The following DAB1 variants were observed in gnomAD, a reference collection of about 807,000 sequenced individuals.
DAB1 encodes DAB adaptor protein 1.
A neutral mutation model predicts 64.6 loss-of-function variants in DAB1; 15 were observed. The ratio of observed to expected loss-of-function variants is 0.23; its 90% CI spans 0.16 to 0.36. DAB1 has a LOEUF of 0.36. Ranked by LOEUF, DAB1 falls within the 10% of genes least tolerant of loss-of-function variation. The pLI, the probability that DAB1 is intolerant of heterozygous loss-of-function variation, is 1.00. For missense variants in DAB1, 596 were observed against 706.7 expected, an observed-to-expected ratio of 0.84 and a Z score of 1.78; for synonymous variants, 235 against 251.9, an observed-to-expected ratio of 0.93 and a Z score of 0.64.
At chr1:57,704,935 C>T (rs2101736169) in intron 6 of DAB1, among the ~76,000 whole-genome samples, 1 of 110,104 alleles carries the variant, frequency 9.1e-6, no homozygotes, top group East Asian at 3.2e-4. Flanking sequence ...TCCTTCCTTT[C>T]TTTCTTTCTT....
At chr1:57,769,504 A>T (rs1649464290) in intron 6 of DAB1, among the ~76,000 whole-genome samples, 1 of 152,060 alleles carries the variant, frequency 6.6e-6, no homozygotes, top group African/African-American at 2.4e-5. Context: ...TTCCAAGGAG[A>T]TTTGATTCTT....
intron 5 of DAB1, among the ~76,000 whole-genome samples, chr1:57,905,370 G>T (rs12116562): frequency 0.1 from 15,770 of 152,066 alleles, 962 homozygotes; most frequent in Admixed American, 0.15. Flanking sequence ...CTAGAGCAGT[G>T]CCTGCAGAGG....
chr1:57,340,215 G>C (rs1299390243), intron 1 of DAB1, among the ~76,000 whole-genome samples: 1 of 152,176 alleles, frequency 6.6e-6, no homozygotes, highest in Non-Finnish European at 1.5e-5. Flanking sequence ...TCTACAGAAA[G>C]AGAAAACACC....
chr1:57,467,690 G>T (rs1687001154), intron 7 of DAB1, among the ~76,000 whole-genome samples: 2 of 152,062 alleles, frequency 1.3e-5, no homozygotes, highest in Admixed American at 6.6e-5. Flanking sequence ...GATGGTATAT[G>T]AATGAAAGAT....
intron 2 of DAB1, among the ~76,000 whole-genome samples, chr1:57,205,871 T>G (rs571860942): frequency 6.6e-6 from 1 of 152,236 alleles, no homozygotes; most frequent in Non-Finnish European, 1.5e-5. Flanking sequence ...ACCAAATGAC[T>G]GCCACAAAGA....
chr1:57,898,586 AT>A (rs1343413626), intron 5 of DAB1, among the ~76,000 whole-genome samples: 2 of 152,180 alleles, frequency 1.3e-5, no homozygotes, highest in Non-Finnish European at 2.9e-5. Context: ...AATTAAAAAA[AT>A]ATCAGGGAAC....
chr1:56,997,024 T>C lies in DAB1; in HGVS notation c.*1120A>G, dbSNP rs1184182753. The C allele has an allele frequency of 6.6e-6, 1 of 152,122 alleles. No homozygotes were observed. Among genetic ancestry groups the C allele is most frequent in the African/African-American group, 2.4e-5 (1 of 41,410 alleles). 9.4% of individuals were successfully genotyped at this position (152,122 alleles called of 1,614,324 possible). A position where few individuals can be genotyped will look rare whatever the true frequency, so the allele number is the denominator to read the frequency against. ...TCTGATGTACAAAAAGAGATAGAGA[T>C]GAACCATTTGGACCACAGAATCAGT... is the stretch of plus-strand genomic sequence containing the variant. On this transcript the variant is annotated 3_prime_UTR_variant, in exon 15 of 15. Coordinates refer to ENST00000371236, the MANE Select transcript of DAB1 (RefSeq NM_001365792.1).
At chr1:57,679,114 T>C (rs1449954715) in intron 6 of DAB1, among the ~76,000 whole-genome samples, 2 of 152,106 alleles carry the variant, frequency 1.3e-5, no homozygotes, top group South Asian at 4.1e-4. Context: ...AGAATGAATA[T>C]GGTATACAGA....
At chr1:57,635,453 G>A (rs1182923839) in intron 7 of DAB1, among the ~76,000 whole-genome samples, 1 of 152,008 alleles carries the variant, frequency 6.6e-6, no homozygotes, top group East Asian at 1.9e-4. Flanking sequence ...AGGTTCTCAT[G>A]GGAGTGTGAA....
chr1:57,068,112 T>C (rs1471345479), intron 8 of DAB1, among the ~76,000 whole-genome samples: 2 of 151,506 alleles, frequency 1.3e-5, no homozygotes, highest in Non-Finnish European at 2.9e-5. Context: ...TATAGCTAAG[T>C]CTGGATTCAG....
chr1:58,263,781 CA>C (rs1182426219), intron 4 of DAB1, among the ~76,000 whole-genome samples: 3 of 152,136 alleles, frequency 2.0e-5, no homozygotes, highest in African/African-American at 7.2e-5. Flanking sequence ...ATACTAACCT[CA>C]GAAGACTTGG....
chr1:58,088,930 G>C (rs1026066882), intron 5 of DAB1, among the ~76,000 whole-genome samples: 3 of 152,178 alleles, frequency 2.0e-5, no homozygotes, highest in African/African-American at 7.2e-5. Flanking sequence ...GAAGGAACGC[G>C]GGGCAAGAAA....
intron 5 of DAB1, among the ~76,000 whole-genome samples, chr1:58,027,871 T>C (rs1261307934): frequency 6.6e-6 from 1 of 152,156 alleles, no homozygotes; most frequent in Non-Finnish European, 1.5e-5. Flanking sequence ...AAGGAGCAAA[T>C]GCAGAAAGAA....
intron 6 of DAB1, among the ~76,000 whole-genome samples, chr1:57,799,396 A>C (rs1307046268): frequency 6.6e-6 from 1 of 152,128 alleles, no homozygotes. Context: ...ACTTTTGAAA[A>C]GAGTGGATGG....
intron 6 of DAB1, among the ~76,000 whole-genome samples, chr1:57,759,007 A>C (rs1028132255): frequency 2.0e-5 from 3 of 152,138 alleles, no homozygotes; most frequent in Non-Finnish European, 4.4e-5. Context: ...CTACATTATC[A>C]ATTTTAAACA....
At chr1:57,053,877 G>A (rs1358308682) in intron 9 of DAB1, among the ~76,000 whole-genome samples, 1 of 151,454 alleles carries the variant, frequency 6.6e-6, no homozygotes, top group Non-Finnish European at 1.5e-5. Flanking sequence ...TGTAGAGACA[G>A]GGTTTCACCA....
intron 1 of DAB1, among the ~76,000 whole-genome samples, chr1:57,416,580 G>T (rs1684513570): frequency 2.0e-5 from 3 of 152,088 alleles, no homozygotes; most frequent in Non-Finnish European, 4.4e-5. Flanking sequence ...ACATAGAAAT[G>T]ACTTTCAACA....
At chr1:58,429,195 C>T (rs914290822) in intron 3 of DAB1, among the ~76,000 whole-genome samples, 10 of 152,082 alleles carry the variant, frequency 6.6e-5, no homozygotes, top group African/African-American at 2.2e-4. Context: ...CACTTGAGGA[C>T]AGGAGTTCAA....
intron 2 of DAB1, among the ~76,000 whole-genome samples, chr1:57,174,191 T>C (rs1662064616): frequency 6.6e-6 from 1 of 152,192 alleles, no homozygotes; most frequent in South Asian, 2.1e-4. Context: ...ATCACTGGCC[T>C]TCCAGACTTG....
Sources: gnomAD v4.1 joint callset for allele counts (sites outside exome capture counted in the v4.1 genomes callset) on GRCh38, gnomAD v4.1.1 for gene constraint, MANE v1.5 for transcripts, NCBI Gene and HGNC (gene_info 2026-07-23, HGNC 2026-07-21) for gene names.